FAM124A: variants seen among roughly 807,000 people sequenced by gnomAD.
The protein encoded by FAM124A is protein FAM124A.
A neutral mutation model predicts 24.5 loss-of-function variants in FAM124A; 23 were observed. The observed-to-expected ratio is 0.94, with a 90% CI of 0.68 to 1.33. The LOEUF (loss-of-function observed/expected upper bound fraction) is 1.33, where lower values mean the gene tolerates loss of function less well. FAM124A is among the 40% of genes most tolerant of loss of function. The pLI, the probability that FAM124A is intolerant of heterozygous loss-of-function variation, is 0.00. For missense variants in FAM124A, 623 were observed against 722.8 expected (o/e 0.86, Z 1.58); for synonymous variants, 287 against 314.7 (o/e 0.91, Z 0.93).
chr13:51,264,270 C>T (rs922994911), intron 3 of FAM124A, among the ~76,000 whole-genome samples: 5 of 152,132 alleles, frequency 3.3e-5, no homozygotes, highest in Non-Finnish European at 7.4e-5. Context: ...CTTGGGTTGA[C>T]CCCCAAGGCA....
chr13:51,244,980 T>C (rs1238936930), intron 2 of FAM124A, among the ~76,000 whole-genome samples: 1 of 152,210 alleles, frequency 6.6e-6, no homozygotes, highest in African/African-American at 2.4e-5. Context: ...TCTGGGATAA[T>C]ACCCGAGGTT....
intron 2 of FAM124A, among the ~76,000 whole-genome samples, chr13:51,233,545 C>T (rs896201045): frequency 3.1e-4 from 46 of 149,616 alleles, no homozygotes; most frequent in Non-Finnish European, 6.4e-4. Flanking sequence ...AGAGTGGGTA[C>T]CGGGGTGGGG....
intron 3 of FAM124A, among the ~76,000 whole-genome samples, chr13:51,254,254 G>T (rs567670447): frequency 6.6e-6 from 1 of 152,124 alleles, no homozygotes; most frequent in Non-Finnish European, 1.5e-5. Context: ...TGATTGGGTA[G>T]TTTTTAGTTG....
chr13:51,259,337 A>G (rs376583052), intron 3 of FAM124A, among the ~76,000 whole-genome samples: 2 of 152,172 alleles, frequency 1.3e-5, no homozygotes, highest in South Asian at 4.2e-4. Context: ...CTGCTCATCC[A>G]CAGAGTAAAG....
chr13:51,233,566 G>T (rs1423842877), intron 2 of FAM124A, among the ~76,000 whole-genome samples: 1 of 151,972 alleles, frequency 6.6e-6, no homozygotes, highest in Non-Finnish European at 1.5e-5. Context: ...CGGGTAGGGG[G>T]AAGCGGGGAG....
At chr13:51,257,023 T>C (rs1433753222) in intron 3 of FAM124A, among the ~76,000 whole-genome samples, 1 of 152,222 alleles carries the variant, frequency 6.6e-6, no homozygotes, top group Non-Finnish European at 1.5e-5. Flanking sequence ...AGAACGTCCT[T>C]TCCTTTAAGG....
intron 1 of FAM124A, among the ~76,000 whole-genome samples, chr13:51,224,482 G>C (rs1034110832): frequency 1.4e-5 from 2 of 147,630 alleles, no homozygotes; most frequent in African/African-American, 4.9e-5. Context: ...CAAAAAAAAA[G>C]GAATTCTTAC....
At chr13:51,227,819 C>G in intron 1 of FAM124A, among the ~76,000 whole-genome samples, 1 of 152,188 alleles carries the variant, frequency 6.6e-6, no homozygotes, top group East Asian at 1.9e-4. Context: ...TAGGGCCATA[C>G]CATGCCCTGT....
intron 3 of FAM124A, among the ~76,000 whole-genome samples, chr13:51,278,296 C>T (rs947664250): frequency 3.3e-5 from 5 of 152,220 alleles, no homozygotes; most frequent in Admixed American, 2.0e-4. Flanking sequence ...AAGTAACTCC[C>T]TCCCAGCCTC....
chr13:51,282,785 G>T lies in FAM124A; in HGVS notation c.*1529G>T, dbSNP rs1426537019. ...GCCATCCTTGTAATGACAGCCTTAG[G>T]CCTTGCCCCAAGCATTCTGGACTCT... On this transcript the variant is annotated 3_prime_UTR_variant, in exon 4 of 4. Coordinates refer to ENST00000322475, the MANE Select transcript of FAM124A (RefSeq NM_001242312.2). The T allele has an allele frequency of 6.6e-6, 1 of 152,150 alleles. No individual in the cohort carries two copies. The highest frequency in any genetic ancestry group is 2.1e-4 in the South Asian group (1 of 4,834). The allele number at this position is 152,150 out of a possible 1,614,324, so 9.4% of individuals were successfully genotyped here.
At chr13:51,263,616 C>T (rs1331150013) in intron 3 of FAM124A, among the ~76,000 whole-genome samples, 1 of 152,236 alleles carries the variant, frequency 6.6e-6, no homozygotes, top group East Asian at 1.9e-4. Context: ...GCACGTGAAA[C>T]CCTCCAATCC....
At chr13:51,279,562 G>A (rs1048587298) in intron 3 of FAM124A, among the ~76,000 whole-genome samples, 3 of 152,212 alleles carry the variant, frequency 2.0e-5, no homozygotes, top group Non-Finnish European at 4.4e-5. Flanking sequence ...ACAGACCAGA[G>A]AGAGAATCTG....
rs573682577 is a variant in FAM124A, at chr13:51,264,235, T to C, written c.834+12034T>C. On this transcript the variant is annotated intron_variant, in intron 3 of 3. Transcript: ENST00000322475. ...TAAGAATTGGCTTTAAATAAAATCT[T>C]ATAGTCACTGGATGAAAGCAGCCAC... Among the ~76,000 whole-genome samples the C allele has an allele frequency of 4.6e-5, 7 of 152,326 alleles. No individual in the cohort carries two copies. The South Asian group carries it at 1.5e-3, about 32-fold the overall frequency.
At chr13:51,234,286 CT>C (rs2137652697) in intron 2 of FAM124A, among the ~76,000 whole-genome samples, 2 of 152,312 alleles carry the variant, frequency 1.3e-5, no homozygotes, top group African/African-American at 4.8e-5. Flanking sequence ...ACCTTGTTGC[CT>C]GTTTGTCCAC....
chr13:51,242,901 T>G (rs1954514809), intron 2 of FAM124A, among the ~76,000 whole-genome samples: 1 of 152,208 alleles, frequency 6.6e-6, no homozygotes, highest in South Asian at 2.1e-4. Context: ...AAAGCCACCC[T>G]TCTTATAAAA....
chr13:51,236,194 A>G (rs1954433682), intron 2 of FAM124A, among the ~76,000 whole-genome samples: 1 of 152,168 alleles, frequency 6.6e-6, no homozygotes, highest in African/African-American at 2.4e-5. Context: ...GGTCAGGTGG[A>G]TCACAGGTGT....
At chr13:51,262,261 C>A (rs1954745108) in intron 3 of FAM124A, among the ~76,000 whole-genome samples, 1 of 152,170 alleles carries the variant, frequency 6.6e-6, no homozygotes, top group Non-Finnish European at 1.5e-5. Context: ...TGAATTTTCC[C>A]CCATGTTAGT....
chr13:51,259,609 G>T (rs1299455653), intron 3 of FAM124A, among the ~76,000 whole-genome samples: 1 of 152,130 alleles, frequency 6.6e-6, no homozygotes, highest in African/African-American at 2.4e-5. Context: ...GGGAAGAATG[G>T]TCGGTCTTCC....
At chr13:51,233,168 A>G (rs1011839128) in intron 2 of FAM124A, among the ~76,000 whole-genome samples, 6 of 152,106 alleles carry the variant, frequency 3.9e-5, no homozygotes, top group Non-Finnish European at 8.8e-5. Context: ...AAGAAGAAAA[A>G]AAAAGTCCAC....
Sources: gnomAD v4.1 joint callset for allele counts (sites outside exome capture counted in the v4.1 genomes callset) on GRCh38, gnomAD v4.1.1 for gene constraint, MANE v1.5 for transcripts, NCBI Gene and HGNC (gene_info 2026-07-23, HGNC 2026-07-21) for gene names.